FAM184A: variants seen among roughly 807,000 people sequenced by gnomAD.
FAM184A encodes family with sequence similarity 184 member A.
Under a neutral mutation model 143.8 loss-of-function variants are expected in FAM184A, and 99 were observed. The observed-to-expected ratio is 0.69, with a 90% CI of 0.58 to 0.81. FAM184A has a LOEUF of 0.81. FAM184A is among the 40% of genes least tolerant of loss of function. The probability of loss-of-function intolerance (pLI) is 0.00; values close to 1 mark genes in which losing one functional copy is unlikely to be tolerated. For synonymous variants in FAM184A, 427 were observed against 446.4 expected (o/e 0.96, Z 0.55); for missense variants, 1,217 against 1,310.5 (o/e 0.93, Z 1.10).
chr6:119,081,293 C>T (rs186746517), upstream of FAM184A, among the ~76,000 whole-genome samples: 4 of 152,320 alleles, frequency 2.6e-5, no homozygotes, highest in East Asian at 7.7e-4. Flanking sequence ...AAGCCACCCC[C>T]ATGATCCAAT....
At chr6:119,048,045 CTTCATCTCCGGGATGGAAGGTTAG>C (rs1786606179) in intron 1 of FAM184A, among the ~76,000 whole-genome samples, 1 of 152,176 alleles carries the variant, frequency 6.6e-6, no homozygotes, top group African/African-American at 2.4e-5. Context: ...ATCAAGTAGT[CTTCATCTCCGGGATGGAAGGTTAG>C]TTCAACATAC....
Position 119,139,076 on chromosome 6 carries a change from C to T in FAM184A, c.-202+10002G>A, listed in dbSNP as rs541581397. Among the ~76,000 whole-genome samples, 4 of 152,290 alleles carry T rather than the reference C, an allele frequency of 2.6e-5. No homozygotes were observed. The South Asian group carries it at 6.2e-4, about 24-fold the overall frequency. On this transcript the variant is annotated intron_variant, in intron 1 of 16. Transcript: ENST00000352896. Reference sequence around the variant, plus strand: ...ATTTCACAGGTTCTGGGGGCCAGGACGTGGACCTCTCTGGGGATGGGGCTT... The same window carrying T: ...ATTTCACAGGTTCTGGGGGCCAGGATGTGGACCTCTCTGGGGATGGGGCTT...
chr6:119,121,633 G>A (rs1030374461), intron 1 of FAM184A, among the ~76,000 whole-genome samples: 2 of 152,104 alleles, frequency 1.3e-5, no homozygotes, highest in African/African-American at 4.8e-5. Flanking sequence ...ATTCTAATGA[G>A]GACATCTAAG....
chr6:119,107,449 T>A (rs752433179), intron 1 of FAM184A, among the ~76,000 whole-genome samples: 6 of 152,140 alleles, frequency 3.9e-5, no homozygotes, highest in Non-Finnish European at 8.8e-5. Flanking sequence ...AAAAGAGTCT[T>A]ACATAAACTG....
At chr6:119,023,487 GA>G (rs1554269152) in intron 2 of FAM184A, among the ~76,000 whole-genome samples, 4 of 143,728 alleles carry the variant, frequency 2.8e-5, no homozygotes, top group Non-Finnish European at 6.1e-5. Context: ...GAAAGGAAAA[GA>G]AAAAAATGTA....
At chr6:118,969,809 C>G (rs1378817530) in intron 14 of FAM184A, among the ~76,000 whole-genome samples, 2 of 146,432 alleles carry the variant, frequency 1.4e-5, no homozygotes, top group African/African-American at 2.5e-5. Context: ...CCCCCCACCC[C>G]GTGACAGGCC....
At chr6:119,040,616 G>A (rs990921255) in intron 1 of FAM184A, among the ~76,000 whole-genome samples, 1 of 152,104 alleles carries the variant, frequency 6.6e-6, no homozygotes, top group Non-Finnish European at 1.5e-5. Context: ...GTAATGTCTC[G>A]GGCTTCCTCT....
rs4335018 is a variant in FAM184A at position 119,078,343 on chromosome 6, A to T, written c.-44T>A. ...CCGGGGCACCTGTCCCCGCGGGTGGAGGCAGGCCCGTGGAGCAACGACGCC... is the reference window on the plus strand; with the variant it reads ...CCGGGGCACCTGTCCCCGCGGGTGGTGGCAGGCCCGTGGAGCAACGACGCC... On this transcript the variant is annotated 5_prime_UTR_variant, in exon 1 of 18. Coordinates refer to ENST00000338891, the MANE Select transcript of FAM184A (RefSeq NM_024581.6). This position sits in a 1 kb window ranked among gnomAD's most constrained non-coding sequence, Gnocchi z 5.5. The T allele has an allele frequency of 0.018, 25,231 of 1,395,732 alleles. 386 individuals are homozygous for T. Among genetic ancestry groups the T allele is most frequent in the African/African-American group, 0.057 (3,757 of 65,716 alleles). 86.5% of individuals were successfully genotyped at this position (1,395,732 alleles called of 1,614,324 possible).
rs371174293 is a variant in FAM184A at position 118,964,657 on chromosome 6, C to T, written c.3138+10G>A. 1.9e-5 allele frequency: 28 copies of T among 1,471,138 alleles called. No homozygotes were observed. Among genetic ancestry groups the T allele is most frequent in the Middle Eastern group, 3.5e-4 (2 of 5,772 alleles). The allele number at this position is 1,471,138 out of a possible 1,614,324, so 91.1% of individuals were successfully genotyped here. A position where few individuals can be genotyped will look rare whatever the true frequency, so the allele number is the denominator to read the frequency against. ...CCACATTCCTATTCTACAGTGTTTA[C>T]GGCACATACCTTAGCCAATGGATTA... On this transcript the variant is annotated intron_variant, in intron 16 of 17. Coordinates refer to ENST00000338891, the MANE Select transcript of FAM184A (RefSeq NM_024581.6).
intron 1 of FAM184A, among the ~76,000 whole-genome samples, chr6:119,130,860 T>C (rs1026581405): frequency 2.5e-5 from 1 of 40,320 alleles, no homozygotes. Flanking sequence ...CTTTTTTTCT[T>C]TTTTTTTTTT....
chr6:119,102,784 CAAAAA>C (rs58686018), intron 1 of FAM184A, among the ~76,000 whole-genome samples: 4 of 30,112 alleles, frequency 1.3e-4, no homozygotes, highest in African/African-American at 2.5e-4. Context: ...GACTCCATCT[CAAAAA>C]AAAAAAAAAA....
chr6:119,122,024 C>T (rs374843410), intron 1 of FAM184A, among the ~76,000 whole-genome samples: 1 of 152,204 alleles, frequency 6.6e-6, no homozygotes, highest in Admixed American at 6.5e-5. Context: ...CCACCTCGGC[C>T]TCCCAAAGTG....
At chr6:119,013,565 GCCTCACTAA>G (rs1785152180) in intron 5 of FAM184A, among the ~76,000 whole-genome samples, 1 of 152,202 alleles carries the variant, frequency 6.6e-6, no homozygotes, top group Non-Finnish European at 1.5e-5. Flanking sequence ...GCATGCACAT[GCCTCACTAA>G]CTAATGCTGT....
intron 1 of FAM184A, chr6:119,057,993 TTG>T (rs1428002573): frequency 6.6e-6 from 1 of 151,116 alleles, no homozygotes; most frequent in Non-Finnish European, 1.5e-5. Context: ...AAAAAAAACT[TTG>T]TGGCTAACCA....
chr6:118,984,172 T>C (rs1784113610), intron 9 of FAM184A, among the ~76,000 whole-genome samples: 1 of 141,094 alleles, frequency 7.1e-6, no homozygotes, highest in South Asian at 2.2e-4. Context: ...TATATATATA[T>C]ATATATTTAT....
At chr6:118,997,565 G>A (rs1295048110) in intron 9 of FAM184A, among the ~76,000 whole-genome samples, 2 of 152,020 alleles carry the variant, frequency 1.3e-5, no homozygotes, top group African/African-American at 2.4e-5. Context: ...ACATGCACTT[G>A]TAGTCCCAGC....
chr6:119,112,016 A>G (rs1788946488), intron 1 of FAM184A, among the ~76,000 whole-genome samples: 1 of 152,204 alleles, frequency 6.6e-6, no homozygotes, highest in Non-Finnish European at 1.5e-5. Flanking sequence ...AAAACTATGT[A>G]ATCCCTGATT....
chr6:119,015,350 C>T (rs1232154056), intron 5 of FAM184A, among the ~76,000 whole-genome samples: 1 of 152,134 alleles, frequency 6.6e-6, no homozygotes, highest in Admixed American at 6.5e-5. Flanking sequence ...GGAATTGAGG[C>T]TGCACGCAGC....
chr6:119,131,061 A>G (rs937284309), intron 1 of FAM184A, among the ~76,000 whole-genome samples: 10 of 152,014 alleles, frequency 6.6e-5, no homozygotes, highest in African/African-American at 2.4e-4. Context: ...GTTTCACCAT[A>G]TTGGCCAGGC....
Sources: allele counts gnomAD v4.1 joint callset (sites outside exome capture counted in the v4.1 genomes callset), GRCh38; gene constraint gnomAD v4.1.1; non-coding constraint Gnocchi (gnomAD v3.1); transcripts MANE v1.5; gene names NCBI Gene and HGNC (gene_info 2026-07-23, HGNC 2026-07-21).